PMPCB: variants seen among roughly 807,000 people sequenced by gnomAD.
PMPCB encodes the protein mitochondrial-processing peptidase subunit beta.
In PMPCB, 46 loss-of-function variants were observed where a neutral mutation model predicts 61.5. That is an observed-to-expected ratio of 0.75 (90% CI 0.59 to 0.96). The LOEUF is 0.96. Ranked by LOEUF, PMPCB falls within the 40% of genes least tolerant of loss-of-function variation. PMPCB has a pLI of 0.00. For synonymous variants in PMPCB, 191 were observed against 201.6 expected (o/e 0.95, Z 0.44); for missense variants, 590 against 602.4 (o/e 0.98, Z 0.22).
At chr7:103,326,792 T>C in intron 12 of PMPCB, 1 of 1,167,520 alleles carries the variant, frequency 8.6e-7, no homozygotes, top group Non-Finnish European at 1.2e-6. Flanking sequence ...ATTTTCATAT[T>C]TGAAAATTTT....
chr7:103,306,550 T>G (rs557911636), intron 6 of PMPCB, among the ~76,000 whole-genome samples: 1 of 152,102 alleles, frequency 6.6e-6, no homozygotes, highest in Admixed American at 6.5e-5. Flanking sequence ...ACCTGACTAA[T>G]TTTGTATTTT....
chr7:103,317,511 C>G (rs536821196), downstream of PMPCB, among the ~76,000 whole-genome samples: 1 of 152,164 alleles, frequency 6.6e-6, no homozygotes, highest in Non-Finnish European at 1.5e-5. Context: ...GCCCTTGTTG[C>G]TTCTGTCAGC....
Position 103,308,992 on chromosome 7 carries a change from C to A in PMPCB, c.890C>A (p.Ala297Glu). The A allele has an allele frequency of 1.2e-6, 2 of 1,603,090 alleles. No homozygotes were observed. Among genetic ancestry groups the A allele is most frequent in the Non-Finnish European group, 1.7e-6 (2 of 1,174,284 alleles). Reference protein sequence around the residue: ...RDDKMPLAHLAIAVEAVGWAH... With the variant: ...RDDKMPLAHLEIAVEAVGWAH... ...GACAAGATGCCTTTGGCGCACCTTG[C>A]AATAGCTGTTGAAGCTGTTGGTTGG... Residue 297 changes from alanine (A) to glutamate (E), a missense_variant, in exon 8 of 13, where the codon GCA (alanine) becomes GAA (glutamate). Physicochemically the swap from Ala to Glu is moderately radical, Grantham distance 107. Transcript: ENST00000249269.
At chr7:103,311,769 C>T (rs1433819094) in intron 10 of PMPCB, 39 bp from the exon 11 acceptor site, 2 of 1,597,958 alleles carry the variant, frequency 1.3e-6, no homozygotes, top group South Asian at 1.1e-5. Flanking sequence ...TATGGTTGAT[C>T]TGTATTCCAA....
intron 12 of PMPCB, chr7:103,326,788 A>G: frequency 1.6e-6 from 2 of 1,213,398 alleles, no homozygotes; most frequent in Non-Finnish European, 2.2e-6. Context: ...ATTAATTTTC[A>G]TATTTGAAAA....
chr7:103,304,582 A>AT, intron 6 of PMPCB, 92 bp downstream of exon 6: 1 of 823,642 alleles, frequency 1.2e-6, no homozygotes, highest in Non-Finnish European at 2.1e-6. Context: ...TACCCTAAGA[A>AT]TTTTCATTTA....
At chr7:103,300,349 A>C in intron 4 of PMPCB, 42 bp downstream of exon 4, 1 of 1,476,014 alleles carries the variant, frequency 6.8e-7, no homozygotes, top group Non-Finnish European at 9.2e-7. Flanking sequence ...AATTTTCATG[A>C]GAATCAGGAA....
chr7:103,311,741 A>G lies in PMPCB; in HGVS notation c.1240+13A>G. On this transcript the variant is annotated intron_variant, in intron 10 of 12. Coordinates refer to ENST00000249269, the MANE Select transcript of PMPCB (RefSeq NM_004279.3). Reference sequence around the variant, plus strand: ...TTGCAGCTTGATGGTAAAAATAAAGATATAGGTTCTGTTTTCATATGGTTG... The same window carrying G: ...TTGCAGCTTGATGGTAAAAATAAAGGTATAGGTTCTGTTTTCATATGGTTG... 6.2e-7 allele frequency: 1 copy of G among 1,610,916 alleles called. No homozygotes were observed. Among genetic ancestry groups the G allele is most frequent in the Non-Finnish European group, 8.5e-7 (1 of 1,177,172 alleles).
At chr7:103,339,042 A>G in the PMPCB span, among the ~76,000 whole-genome samples, 24 of 152,246 alleles carry the variant, frequency 1.6e-4, no homozygotes, top group Non-Finnish European at 3.1e-4. Context: ...TTAAAAAATA[A>G]ACAAACAGAA....
chr7:103,297,771 T>C, intron 1 of PMPCB: 1 of 1,532,464 alleles, frequency 6.5e-7, no homozygotes, highest in South Asian at 1.2e-5. Context: ...ACGTGTGGGA[T>C]GACCCTGGTT....
At chr7:103,334,628 AAGAG>A in the PMPCB span, among the ~76,000 whole-genome samples, 1 of 151,806 alleles carries the variant, frequency 6.6e-6, no homozygotes, top group Non-Finnish European at 1.5e-5. Flanking sequence ...AAAAAAAAAA[AAGAG>A]AGACAAGGTC....
chr7:103,342,554 C>T, the PMPCB span, among the ~76,000 whole-genome samples: 5 of 151,812 alleles, frequency 3.3e-5, no homozygotes, highest in Non-Finnish European at 5.9e-5. Flanking sequence ...ATCTGCCTGC[C>T]TCGGCCTCCC....
chr7:103,330,689 A>G (rs890945038), downstream of PMPCB, among the ~76,000 whole-genome samples: 5 of 149,780 alleles, frequency 3.3e-5, no homozygotes, highest in Admixed American at 1.3e-4. Context: ...TGACCTCGTG[A>G]TCTGCCCACC....
At chr7:103,322,823 C>T in intron 12 of PMPCB, 1 of 1,533,578 alleles carries the variant, frequency 6.5e-7, no homozygotes, top group African/African-American at 1.4e-5. Context: ...TGGAAACAAA[C>T]TACTGCTTAT....
At chr7:103,343,698 C>T in the PMPCB span, among the ~76,000 whole-genome samples, 3 of 152,108 alleles carry the variant, frequency 2.0e-5, no homozygotes, top group South Asian at 4.1e-4. Context: ...AAGGAAAATC[C>T]CTGAACAACT....
chr7:103,297,967 T>C, intron 1 of PMPCB: 1 of 1,195,024 alleles, frequency 8.4e-7, no homozygotes, highest in East Asian at 6.2e-5. Context: ...AAATTTTTTA[T>C]GTATTTGCAT....
rs1370827631 is a variant in PMPCB, at chr7:103,310,221, AAGGAT to A, written c.994-92_994-88del. 1.3e-5 allele frequency: 11 copies of A among 875,994 alleles called. 1 individual carries two copies. Among genetic ancestry groups the A allele is most frequent in the Non-Finnish European group, 1.5e-5 (8 of 548,214 alleles). 54.3% of individuals were successfully genotyped at this position (875,994 alleles called of 1,614,324 possible). On this transcript the variant is annotated intron_variant, in intron 8 of 12. Coordinates refer to ENST00000249269, the MANE Select transcript of PMPCB (RefSeq NM_004279.3). ...TGAATAAAACTAGGAAACAGCCTCTAAGGATATTCACTATTTTCCACACACTCCAT... is the reference window on the plus strand; with the variant it reads ...TGAATAAAACTAGGAAACAGCCTCTAATTCACTATTTTCCACACACTCCAT...
At chr7:103,301,192 A>G (rs1212367219) in intron 4 of PMPCB, among the ~76,000 whole-genome samples, 1 of 152,242 alleles carries the variant, frequency 6.6e-6, no homozygotes, top group Non-Finnish European at 1.5e-5. Flanking sequence ...CCAGGATTGC[A>G]TAGCTATCAG....
At chr7:103,337,525 C>A in the PMPCB span, 1 of 479,120 alleles carries the variant, frequency 2.1e-6, no homozygotes, top group Non-Finnish European at 3.7e-6. Context: ...ATTTCTTATC[C>A]CTAATGGGAA....
Sources: allele counts gnomAD v4.1 joint callset (sites outside exome capture counted in the v4.1 genomes callset), GRCh38; gene constraint gnomAD v4.1.1; transcripts MANE v1.5; gene names NCBI Gene and HGNC (gene_info 2026-07-23, HGNC 2026-07-21).